SLC12A7: variants seen among roughly 807,000 people sequenced by gnomAD.
SLC12A7 encodes K-Cl cotransporter 4.
In SLC12A7, 100 loss-of-function variants were observed where a neutral mutation model predicts 120.6. The observed-to-expected ratio is 0.83, with a 90% confidence interval of 0.71 to 0.98. The LOEUF is 0.98. Ranked by LOEUF, SLC12A7 falls within the 50% of genes least tolerant of loss-of-function variation. The pLI is 0.00. For missense variants in SLC12A7, 1,373 were observed against 1,548.1 expected (o/e 0.89, Z 1.90); for synonymous variants, 760 against 678.0 (o/e 1.12, Z -1.88).
chr5:1,103,805 C>A (rs185153595), intron 1 of SLC12A7, among the ~76,000 whole-genome samples: 1 of 152,258 alleles, frequency 6.6e-6, no homozygotes, highest in African/African-American at 2.4e-5. Flanking sequence ...CGCCTGCTCG[C>A]GGGAAGGTGG....
intron 1 of SLC12A7, among the ~76,000 whole-genome samples, chr5:1,094,478 A>G (rs971837352): frequency 6.6e-6 from 1 of 152,174 alleles, no homozygotes; most frequent in Non-Finnish European, 1.5e-5. Context: ...GCTAGCCCCA[A>G]TGCGCAAGCT....
At chr5:1,153,783 G>A in the SLC12A7 span, among the ~76,000 whole-genome samples, 26 of 152,206 alleles carry the variant, frequency 1.7e-4, no homozygotes, top group African/African-American at 5.8e-4. Flanking sequence ...CAAGAGGAAC[G>A]TGCACCCTGG....
At chr5:1,067,659 C>T (rs1045550572) in intron 17 of SLC12A7, among the ~76,000 whole-genome samples, 24 of 152,258 alleles carry the variant, frequency 1.6e-4, no homozygotes, top group Non-Finnish European at 2.9e-4. Context: ...TGCTCACCCC[C>T]ACGTGCTGGC....
At position 1,096,495 on chromosome 5, in the gene SLC12A7, G is replaced by A. The variant is rs188196624; in HGVS notation, c.125-2247C>T. On this transcript the variant is annotated intron_variant, in intron 1 of 23. Coordinates refer to ENST00000264930, the MANE Select transcript of SLC12A7 (RefSeq NM_006598.3). ...GTCTTTCCAAGATGAGTCCCATCCA[G>A]GGCCCTTCCCCACTCCTCTTCAATG... 4.4e-3 allele frequency among the ~76,000 whole-genome samples: 675 copies of A among 151,982 alleles called. 2 individuals are homozygous for A. Among genetic ancestry groups the A allele is most frequent in the Middle Eastern group, 0.014 (4 of 294 alleles).
At chr5:1,150,085 C>T in the SLC12A7 span, among the ~76,000 whole-genome samples, 35 of 152,228 alleles carry the variant, frequency 2.3e-4, no homozygotes, top group African/African-American at 8.4e-4. Context: ...AGCCCTTTTC[C>T]CATTTTTAAA....
intron 17 of SLC12A7, among the ~76,000 whole-genome samples, chr5:1,065,747 C>T (rs922789574): frequency 5.3e-5 from 8 of 152,100 alleles, no homozygotes; most frequent in Middle Eastern, 3.2e-3. Flanking sequence ...GGGGACACAA[C>T]GCCAGGCAGT....
the SLC12A7 span, among the ~76,000 whole-genome samples, chr5:1,141,461 C>CCA: frequency 9.1e-6 from 1 of 110,274 alleles, no homozygotes. Flanking sequence ...GCCATGGGCA[C>CCA]CAGAGCCGCC....
intron 1 of SLC12A7, among the ~76,000 whole-genome samples, chr5:1,095,385 A>C (rs900680570): frequency 5.5e-4 from 84 of 152,214 alleles, no homozygotes; most frequent in Non-Finnish European, 1.1e-3. Flanking sequence ...CTGCAAATGC[A>C]CATGCCCCAG....
At chr5:1,091,443 G>A (rs943880263) in intron 3 of SLC12A7, among the ~76,000 whole-genome samples, 3 of 152,128 alleles carry the variant, frequency 2.0e-5, no homozygotes, top group Admixed American at 6.5e-5. Context: ...CGGAGCACTC[G>A]GACCAGGCCC....
chr5:1,078,178 A>G (rs1194271848), intron 11 of SLC12A7, among the ~76,000 whole-genome samples, 171 bp from the exon 12 acceptor site: 3 of 152,160 alleles, frequency 2.0e-5, no homozygotes, highest in African/African-American at 7.2e-5. Context: ...GGCTCTGCCC[A>G]GCATGGCCAG....
intron 11 of SLC12A7, among the ~76,000 whole-genome samples, chr5:1,078,300 C>A (rs1309710128): frequency 6.6e-6 from 1 of 152,058 alleles, no homozygotes; most frequent in East Asian, 1.9e-4. Flanking sequence ...CCACCCAGGA[C>A]CCCCGGGGCC....
intron 16 of SLC12A7, 84 bp from the exon 17 acceptor site, chr5:1,073,885 G>C (rs552118868): frequency 7.9e-7 from 1 of 1,263,350 alleles, no homozygotes; most frequent in African/African-American, 1.5e-5. Context: ...TGGGACGGGC[G>C]GGGCACACGA....
At chr5:1,052,549 G>T in intron 23 of SLC12A7, 98 bp from the exon 24 acceptor site, 1 of 1,063,034 alleles carries the variant, frequency 9.4e-7, no homozygotes, top group Non-Finnish European at 1.4e-6. Flanking sequence ...GGTTAGCTAA[G>T]ATTTGGTTTG....
chr5:1,138,778 G>A, the SLC12A7 span, among the ~76,000 whole-genome samples: 1 of 152,186 alleles, frequency 6.6e-6, no homozygotes, highest in East Asian at 1.9e-4. Flanking sequence ...AGAAGGACTT[G>A]GGCTCCAGAG....
At chr5:1,081,290 G>A (rs529285528) in intron 9 of SLC12A7, among the ~76,000 whole-genome samples, 191 of 151,004 alleles carry the variant, frequency 1.3e-3, no homozygotes, top group Non-Finnish European at 2.2e-3. Context: ...GGAGACCCCC[G>A]TCTACAAAAA....
At chr5:1,075,080 C>T (rs527944035) in intron 15 of SLC12A7, among the ~76,000 whole-genome samples, 3 of 152,300 alleles carry the variant, frequency 2.0e-5, no homozygotes, top group South Asian at 2.1e-4. Flanking sequence ...TCGCGAGACA[C>T]GTAGCAGGAA....
At position 1,051,381 on chromosome 5, in the gene SLC12A7, C is replaced by T. The variant is rs1481725597; in HGVS notation, c.*979G>A. The T allele has an allele frequency of 1.5e-5, 2 of 137,642 alleles. No individual in the cohort carries two copies. The highest frequency in any genetic ancestry group is 3.1e-5 in the Non-Finnish European group (2 of 64,484). 8.5% of individuals were successfully genotyped at this position (137,642 alleles called of 1,614,324 possible). On this transcript the variant is annotated 3_prime_UTR_variant, in exon 24 of 24. Coordinates refer to ENST00000264930, the MANE Select transcript of SLC12A7 (RefSeq NM_006598.3). ...CTCAGAGGCTGAACTGTGTGCCGTG[C>T]TCCTGGGGTGGGGTGGGGTGGGGAG...
At chr5:1,091,889 T>C (rs1485923099) in intron 3 of SLC12A7, among the ~76,000 whole-genome samples, 1 of 152,178 alleles carries the variant, frequency 6.6e-6, no homozygotes, top group Non-Finnish European at 1.5e-5. Context: ...GCAGCAGTGA[T>C]GGTCCCACCC....
chr5:1,095,148 C>T (rs1345194477), intron 1 of SLC12A7, among the ~76,000 whole-genome samples: 1 of 149,064 alleles, frequency 6.7e-6, no homozygotes. Flanking sequence ...GTCGCCCTCC[C>T]ACCCTCCATG....
Sources: allele counts gnomAD v4.1 joint callset (sites outside exome capture counted in the v4.1 genomes callset), GRCh38; gene constraint gnomAD v4.1.1; transcripts MANE v1.5; gene names NCBI Gene and HGNC (gene_info 2026-07-23, HGNC 2026-07-21).